VWA2: variants seen among roughly 807,000 people sequenced by gnomAD.
The protein encoded by VWA2 is von Willebrand factor A domain-containing protein 2.
Under a neutral mutation model 70.4 loss-of-function variants are expected in VWA2, and 73 were observed. That is an observed-to-expected ratio of 1.04 (90% CI 0.86 to 1.26). The LOEUF is 1.26. VWA2 is among the 50% of genes most tolerant of loss of function. The pLI, the probability that VWA2 is intolerant of heterozygous loss-of-function variation, is 0.00. For synonymous variants in VWA2, 407 were observed against 423.3 expected, an observed-to-expected ratio of 0.96 and a Z score of 0.47; for missense variants, 1,011 against 998.5, an observed-to-expected ratio of 1.01 and a Z score of -0.17.
At chr10:114,248,903 C>G in intron 2 of VWA2, 138 bp downstream of exon 2, 1 of 831,926 alleles carries the variant, frequency 1.2e-6, no homozygotes, top group African/African-American at 1.7e-5. Flanking sequence ...CCTCCCTAGT[C>G]CAAGCCATGT....
intron 5 of VWA2, among the ~76,000 whole-genome samples, chr10:114,263,251 G>A (rs980774541): frequency 5.9e-5 from 9 of 151,562 alleles, no homozygotes; most frequent in Non-Finnish European, 1.0e-4. Flanking sequence ...CTGAGCTCAA[G>A]CAATCCACCT....
At position 114,289,302 on chromosome 10, in the gene VWA2, A is replaced by G; in HGVS notation, c.1935A>G (p.Ala645=). The change falls in exon 12 of 14, where the codon GCA becomes GCG. Residue 645 remains alanine, a synonymous_variant. Transcript: ENST00000392982. ...TGGTGCTCACAGGCGGGAGAGGCGC[A>G]GAGGATGCAGCCGTTCCTGCCCAGA... The part of the protein sequence containing the change: ...AVVVLTGGRG[A]EDAAVPAQKL... 1 of 1,614,078 alleles carries G rather than the reference A, an allele frequency of 6.2e-7. No individual in the cohort carries two copies. The highest frequency in any genetic ancestry group is 8.5e-7 in the Non-Finnish European group (1 of 1,180,018).
intron 1 of VWA2, chr10:114,246,053 T>G (rs905695698): frequency 5.9e-5 from 36 of 606,560 alleles, no homozygotes; most frequent in Admixed American, 5.1e-4. Flanking sequence ...TGTGGCACCC[T>G]GGACTACCTG....
At chr10:114,251,964 A>G (rs2037206202) in intron 2 of VWA2, among the ~76,000 whole-genome samples, 1 of 151,398 alleles carries the variant, frequency 6.6e-6, no homozygotes, top group Non-Finnish European at 1.5e-5. Context: ...CTCGAAACAC[A>G]CCCAGCTAAT....
chr10:114,272,026 C>T (rs116108621), intron 5 of VWA2, among the ~76,000 whole-genome samples: 372 of 152,352 alleles, frequency 2.4e-3, no homozygotes, highest in African/African-American at 7.3e-3. Flanking sequence ...TCTGACAGGA[C>T]GCTTACAGGA....
chr10:114,271,162 C>T (rs1344720662), intron 5 of VWA2, among the ~76,000 whole-genome samples: 1 of 152,096 alleles, frequency 6.6e-6, no homozygotes, highest in Non-Finnish European at 1.5e-5. Context: ...GGTTATACTT[C>T]CTGGTCTCCA....
chr10:114,274,103 G>A (rs1388109840), intron 6 of VWA2, among the ~76,000 whole-genome samples: 1 of 152,214 alleles, frequency 6.6e-6, no homozygotes, highest in African/African-American at 2.4e-5. Context: ...CAGCAGGTAG[G>A]CTGGCGAGTT....
intron 5 of VWA2, among the ~76,000 whole-genome samples, chr10:114,268,691 CTTTTTTCT>C (rs1347771190): frequency 5.2e-4 from 66 of 126,688 alleles, no homozygotes; most frequent in African/African-American, 2.3e-3. Flanking sequence ...ATTTCTTTTT[CTTTTTTCT>C]TTTTTTTTTT....
At chr10:114,240,708 A>G (rs1211726141) in intron 1 of VWA2, among the ~76,000 whole-genome samples, 1 of 152,228 alleles carries the variant, frequency 6.6e-6, no homozygotes. Context: ...AGCCACAGGC[A>G]TGAATTTGTA....
At chr10:114,269,848 C>G (rs903712268) in intron 5 of VWA2, among the ~76,000 whole-genome samples, 2 of 152,116 alleles carry the variant, frequency 1.3e-5, no homozygotes, top group Non-Finnish European at 2.9e-5. Flanking sequence ...AAGAACATAG[C>G]CAGGAGGCCA....
At chr10:114,266,533 G>A (rs2420054) in intron 5 of VWA2, among the ~76,000 whole-genome samples, 9,067 of 152,180 alleles carry the variant, frequency 0.06, 423 homozygotes, top group Non-Finnish European at 0.095. Context: ...ATGTTTTGAG[G>A]TAGTGAAGAA....
intron 1 of VWA2, chr10:114,246,634 G>A (rs772649959): frequency 1.3e-6 from 2 of 1,522,962 alleles, no homozygotes; most frequent in Non-Finnish European, 1.8e-6. Context: ...GCTCAGAGAA[G>A]TACTTGAACA....
chr10:114,274,961 T>C (rs2037797522), intron 6 of VWA2, among the ~76,000 whole-genome samples: 1 of 152,130 alleles, frequency 6.6e-6, no homozygotes, highest in African/African-American at 2.4e-5. Flanking sequence ...CGGGACATTG[T>C]GTTCTGTTTC....
intron 1 of VWA2, among the ~76,000 whole-genome samples, chr10:114,243,956 G>A (rs1435689446): frequency 4.6e-5 from 7 of 152,206 alleles, no homozygotes; most frequent in Admixed American, 3.3e-4. Flanking sequence ...CCATGGATGA[G>A]AACTCCAGAA....
At chr10:114,283,834 A>G (rs2038512923) in intron 9 of VWA2, among the ~76,000 whole-genome samples, 1 of 152,238 alleles carries the variant, frequency 6.6e-6, no homozygotes, top group Admixed American at 6.5e-5. Context: ...CAGCAGCCCC[A>G]GCGAAGTGCC....
At chr10:114,280,371 A>G (rs1272946095) in intron 8 of VWA2, among the ~76,000 whole-genome samples, 1 of 152,152 alleles carries the variant, frequency 6.6e-6, no homozygotes, top group Non-Finnish European at 1.5e-5. Flanking sequence ...AATACAGAAA[A>G]TAAACTGTTC....
intron 4 of VWA2, among the ~76,000 whole-genome samples, chr10:114,255,771 A>ATTTT (rs34578196): frequency 6.7e-6 from 1 of 149,358 alleles, no homozygotes; most frequent in African/African-American, 2.5e-5. Context: ...TAAAAGGGGC[A>ATTTT]TTTTTTTTTT....
chr10:114,267,697 C>T (rs1023350160), intron 5 of VWA2, among the ~76,000 whole-genome samples: 10 of 152,074 alleles, frequency 6.6e-5, no homozygotes, highest in African/African-American at 1.9e-4. Flanking sequence ...CCACCTCGGC[C>T]TTCCAAAGTG....
At chr10:114,281,302 G>C (rs1055125657) in intron 8 of VWA2, 1 of 152,276 alleles carries the variant, frequency 6.6e-6, no homozygotes, top group Non-Finnish European at 1.5e-5. Flanking sequence ...ATGAGGAACC[G>C]CTCCTGTGAC....
Sources: allele counts gnomAD v4.1 joint callset (sites outside exome capture counted in the v4.1 genomes callset), GRCh38; gene constraint gnomAD v4.1.1; transcripts MANE v1.5; gene names NCBI Gene and HGNC (gene_info 2026-07-23, HGNC 2026-07-21).